CEP120: variants seen among roughly 807,000 people sequenced by gnomAD.
CEP120 encodes centrosomal protein of 120 kDa.
CEP120 carries 113 observed loss-of-function variants against 126.5 expected under a neutral mutation model. The observed-to-expected ratio is 0.89, with a 90% CI of 0.77 to 1.04. The LOEUF is 1.04. Among genes scored for constraint, CEP120 ranks in the 50% least tolerant of loss-of-function variants. The pLI is 0.00. For missense variants in CEP120, 1,230 were observed against 1,155.7 expected (o/e 1.06, Z -0.93); for synonymous variants, 400 against 394.3 (o/e 1.01, Z -0.17).
chr5:123,409,317 CA>C (rs1773887556), intron 4 of CEP120, among the ~76,000 whole-genome samples: 1 of 152,092 alleles, frequency 6.6e-6, no homozygotes, highest in Admixed American at 6.5e-5. Flanking sequence ...CTACAGCTAA[CA>C]TTATACTTAA....
chr5:123,387,499 C>T (rs989048241), intron 9 of CEP120, among the ~76,000 whole-genome samples: 1 of 152,092 alleles, frequency 6.6e-6, no homozygotes, highest in African/African-American at 2.4e-5. Context: ...CTAACCAATT[C>T]CATGACACAG....
chr5:123,354,347 T>G (rs1769411398), intron 18 of CEP120, among the ~76,000 whole-genome samples: 1 of 152,154 alleles, frequency 6.6e-6, no homozygotes, highest in Non-Finnish European at 1.5e-5. Context: ...AAATGTTCCA[T>G]GTGCACTAGA....
intron 4 of CEP120, among the ~76,000 whole-genome samples, chr5:123,407,117 AAAC>A (rs1773741582): frequency 6.6e-6 from 1 of 151,232 alleles, no homozygotes; most frequent in Non-Finnish European, 1.5e-5. Context: ...AAAAAAAAAA[AAAC>A]AAAAAACAAA....
chr5:123,400,046 T>C (rs1313541160), intron 4 of CEP120, among the ~76,000 whole-genome samples: 2 of 152,184 alleles, frequency 1.3e-5, no homozygotes, highest in African/African-American at 4.8e-5. Context: ...AGGTACATGC[T>C]AGAATAACCA....
chr5:123,389,193 A>G (rs1484608680), intron 8 of CEP120, among the ~76,000 whole-genome samples: 1 of 152,218 alleles, frequency 6.6e-6, no homozygotes, highest in Non-Finnish European at 1.5e-5. Flanking sequence ...CAATGGATGG[A>G]AAAATTTTAT....
At chr5:123,399,692 G>C (rs1008443003) in intron 4 of CEP120, among the ~76,000 whole-genome samples, 3 of 152,120 alleles carry the variant, frequency 2.0e-5, no homozygotes, top group Non-Finnish European at 2.9e-5. Context: ...AGAAGCAAGA[G>C]AAAGCATGTG....
chr5:123,375,672 C>G (rs1158943687), intron 16 of CEP120, among the ~76,000 whole-genome samples: 1 of 152,042 alleles, frequency 6.6e-6, no homozygotes, highest in Non-Finnish European at 1.5e-5. Context: ...TAAGAGCTCT[C>G]CTGGTGACTC....
In CEP120 at chr5:123,416,225, G is replaced by T. The variant is rs1774382704; in HGVS notation, c.207-101C>A. The T allele has an allele frequency of 5.7e-6, 4 of 701,524 alleles. No individual in the cohort carries two copies. The Admixed American group carries it at 8.0e-5, about 14-fold the overall frequency. The allele number at this position is 701,524 out of a possible 1,614,324, so 43.5% of individuals were successfully genotyped here. A position where few individuals can be genotyped will look rare whatever the true frequency, so the allele number is the denominator to read the frequency against. The stretch of plus-strand genomic sequence containing the variant: ...TATCAAGATACTTATAATTTTGTTG[G>T]ATAAAACTGTAACTATTTTACATTG... On this transcript the variant is annotated intron_variant, in intron 2 of 19. Coordinates refer to ENST00000306467, the MANE Select transcript of CEP120 (RefSeq NM_001375405.1).
Position 123,412,420 on chromosome 5 carries a change from C to T in CEP120, c.442G>A (p.Ala148Thr), listed in dbSNP as rs1240688219. Reference sequence around the variant, plus strand: ...AAACCTTTTCCATCTCGAGGGGGAGCCCCCTTTGCTTTAAAGCTATCCACT... The same window carrying T: ...AAACCTTTTCCATCTCGAGGGGGAGTCCCCTTTGCTTTAAAGCTATCCACT... ...PPVDSFKAKGAPPRDGKVPAI... is the reference protein window; with the variant it reads ...PPVDSFKAKGTPPRDGKVPAI... The change falls in exon 4 of 20, where the codon GCT becomes ACT. Residue 148 changes from alanine (A) to threonine (T), a missense_variant. Coordinates refer to ENST00000306467, the MANE Select transcript of CEP120 (RefSeq NM_001375405.1). The T allele has an allele frequency of 6.2e-7, 1 of 1,603,150 alleles. No homozygotes were observed. The highest frequency in any genetic ancestry group is 8.5e-7 in the Non-Finnish European group (1 of 1,176,438).
chr5:123,383,014 C>G lies in CEP120; in HGVS notation c.1832G>C (p.Arg611Pro). The G allele has an allele frequency of 6.3e-7, 1 of 1,593,442 alleles. No individual in the cohort carries two copies. The highest frequency in any genetic ancestry group is 8.6e-7 in the Non-Finnish European group (1 of 1,163,582). ...TLEDYGLVKM[R>P]EIFISDSSQG... Reference sequence around the variant, plus strand: ...AGATGAATCAGAGATAAAAATCTCACGCATTTTTACTAGTCCATAATCTTC... The same window carrying G: ...AGATGAATCAGAGATAAAAATCTCAGGCATTTTTACTAGTCCATAATCTTC... Residue 611 changes from arginine (R) to proline (P), a missense_variant, in exon 12 of 20, where the codon CGT (arginine) becomes CCT (proline). Coordinates refer to ENST00000306467, the MANE Select transcript of CEP120 (RefSeq NM_001375405.1).
At position 123,391,122 on chromosome 5, in the gene CEP120, G is replaced by GCCTT. The variant is rs1436293362; in HGVS notation, c.1022_1025dup (p.Ile343ArgfsTer9). 5.6e-6 allele frequency: 9 copies of GCCTT among 1,613,350 alleles called. No homozygotes were observed. The highest frequency in any genetic ancestry group is 7.6e-6 in the Non-Finnish European group (9 of 1,179,580). The stretch of plus-strand genomic sequence containing the variant: ...GGCCACTACTTGCCTGGGAGTCTAT[G>GCCTT]CCTTCTCTCTGCAGAGCCACAGACA... On this transcript the variant is annotated frameshift_variant, in exon 7 of 20. Coordinates refer to ENST00000306467, the MANE Select transcript of CEP120 (RefSeq NM_001375405.1). LOFTEE classifies it high-confidence loss of function.
rs151327162 is a variant in CEP120 at position 123,346,092 on chromosome 5, A to G, written c.*427T>C. ...TCTAAAATGAGTTAAACTGGTTACA[A>G]TTGGTCTCAACTTTTAAGAATTTAC... On this transcript the variant is annotated 3_prime_UTR_variant, in exon 20 of 20. Coordinates refer to ENST00000306467, the MANE Select transcript of CEP120 (RefSeq NM_001375405.1). 145 of 156,088 alleles carry G rather than the reference A, an allele frequency of 9.3e-4. No homozygotes were observed. The Middle Eastern group carries it at 9.9e-3, about 11-fold the overall frequency. 9.7% of individuals were successfully genotyped at this position (156,088 alleles called of 1,614,324 possible).
chr5:123,401,063 A>G, intron 4 of CEP120: 1 of 1,572,792 alleles, frequency 6.4e-7, no homozygotes, highest in Non-Finnish European at 8.7e-7. Flanking sequence ...TGAGGCCCCC[A>G]CAGGCCGAGC....
At chr5:123,358,124 A>T (rs916317201) in intron 18 of CEP120, 2 of 152,150 alleles carry the variant, frequency 1.3e-5, no homozygotes, top group Non-Finnish European at 1.5e-5. Context: ...GACTCTATGT[A>T]TATAAAGGTT....
intron 18 of CEP120, among the ~76,000 whole-genome samples, chr5:123,351,292 T>C (rs967180217): frequency 6.6e-6 from 1 of 152,184 alleles, no homozygotes; most frequent in Non-Finnish European, 1.5e-5. Context: ...ACAGTATGTA[T>C]TTGTGTCAGG....
Position 123,382,899 on chromosome 5 carries a change from G to A in CEP120, c.1861-10C>T. 1 of 1,610,842 alleles carries A rather than the reference G, an allele frequency of 6.2e-7. No individual in the cohort carries two copies. Among genetic ancestry groups the A allele is most frequent in the African/African-American group, 1.3e-5 (1 of 74,774 alleles). On this transcript the variant is annotated splice_polypyrimidine_tract_variant and intron_variant, in intron 12 of 19. Transcript: ENST00000306467. The stretch of plus-strand genomic sequence containing the variant: ...GTACGGCAGATACACCCTAAGAGAT[G>A]AACCAAAAAGTACATTTAAACACTC...
At chr5:123,384,819 A>G in intron 11 of CEP120, 132 bp downstream of exon 11, 1 of 717,018 alleles carries the variant, frequency 1.4e-6, no homozygotes. Flanking sequence ...GATCAGAAAA[A>G]GGAGGTTATG....
At chr5:123,372,584 A>G in intron 17 of CEP120, 66 bp downstream of exon 17, 2 of 1,436,926 alleles carry the variant, frequency 1.4e-6, no homozygotes, top group Non-Finnish European at 2.0e-6. Flanking sequence ...TTGTATACAC[A>G]TTATTGATTG....
intron 9 of CEP120, among the ~76,000 whole-genome samples, chr5:123,386,997 C>T (rs1215558043): frequency 1.3e-5 from 2 of 152,044 alleles, no homozygotes; most frequent in African/African-American, 4.8e-5. Context: ...AGCCCTTAGT[C>T]AACTCCAAAA....
Sources: gnomAD v4.1 joint callset for allele counts (sites outside exome capture counted in the v4.1 genomes callset) on GRCh38, gnomAD v4.1.1 for gene constraint, MANE v1.5 for transcripts, NCBI Gene and HGNC (gene_info 2026-07-23, HGNC 2026-07-21) for gene names.